Variants in ERC1 observed in about 807,000 individuals in gnomAD.
ERC1 encodes ELKS/RAB6-interacting/CAST family member 1, also known as RAB6 interacting protein 2.
In ERC1, 56 loss-of-function variants were observed where a neutral mutation model predicts 132.0. The observed-to-expected ratio is 0.42, with a 90% CI of 0.34 to 0.53. ERC1 has a LOEUF of 0.53. Ranked by LOEUF, ERC1 falls within the 20% of genes least tolerant of loss-of-function variation. The pLI is 0.03. For synonymous variants in ERC1, 478 were observed against 476.1 expected (o/e 1.00, Z -0.05); for missense variants, 1,202 against 1,349.9 (o/e 0.89, Z 1.72).
At chr12:1,480,202 C>A (rs143157521) in intron 18 of ERC1, among the ~76,000 whole-genome samples, 1 of 151,728 alleles carries the variant, frequency 6.6e-6, no homozygotes, top group Non-Finnish European at 1.5e-5. Context: ...TATGAGACTT[C>A]GTGCTTAAGT....
chr12:1,116,271 T>A, intron 7 of ERC1: 1 of 362,826 alleles, frequency 2.8e-6, no homozygotes, highest in South Asian at 8.5e-5. Flanking sequence ...TTTTGCCAAG[T>A]CTGTACTTCA....
At chr12:1,281,271 G>T (rs148430191) in intron 14 of ERC1, among the ~76,000 whole-genome samples, 1 of 151,816 alleles carries the variant, frequency 6.6e-6, no homozygotes, top group Non-Finnish European at 1.5e-5. Context: ...CCAAAACCTG[G>T]ACAAATTATA....
At chr12:1,270,320 G>C (rs1367479453) in intron 14 of ERC1, among the ~76,000 whole-genome samples, 2 of 151,992 alleles carry the variant, frequency 1.3e-5, no homozygotes, top group Non-Finnish European at 2.9e-5. Context: ...CGATTCTTGG[G>C]CCTCAGCCTC....
Position 1,141,759 on chromosome 12 carries a change from A to G in ERC1, c.1709A>G (p.Glu570Gly), listed in dbSNP as rs749081718. The change falls in exon 8 of 19, where the codon GAG becomes GGG. Residue 570 changes from glutamate (E) to glycine (G), a missense_variant. Coordinates refer to ENST00000360905, the MANE Select transcript of ERC1 (RefSeq NM_178040.4). ...CTCAAGGACATGTTGGATGTGAAGG[A>G]GCGGAAGGTTAATGTTCTTCAGAAG... is the stretch of plus-strand genomic sequence containing the variant. ...HDLKDMLDVK[E>G]RKVNVLQKKI... is the part of the protein sequence containing the mutation. The G allele has an allele frequency of 6.2e-7, 1 of 1,609,030 alleles. No individual in the cohort carries two copies. Among genetic ancestry groups the G allele is most frequent in the South Asian group, 1.1e-5 (1 of 89,816 alleles).
At chr12:1,202,269 T>C (rs537193929) in intron 12 of ERC1, among the ~76,000 whole-genome samples, 1 of 152,318 alleles carries the variant, frequency 6.6e-6, no homozygotes, top group South Asian at 2.1e-4. Flanking sequence ...GGAATCTGTG[T>C]TTAATGGCTA....
At chr12:1,040,281 A>C (rs1056318282) in intron 2 of ERC1, among the ~76,000 whole-genome samples, 1 of 149,614 alleles carries the variant, frequency 6.7e-6, no homozygotes, top group Non-Finnish European at 1.5e-5. Context: ...TACCATACAC[A>C]TTTCTAAAAA....
chr12:1,372,652 C>T lies in ERC1; in HGVS notation c.2925+675C>T, dbSNP rs562720588. Among the ~76,000 whole-genome samples the T allele has an allele frequency of 1.2e-4, 18 of 152,290 alleles. 1 individual carries two copies. The highest frequency in any genetic ancestry group is 4.3e-4 in the African/African-American group (18 of 41,560). ...AGATAAGGAGAGTGCTGGATGTTTA[C>T]ATCGGAGCCCTGCTTGAACGGCAGT... On this transcript the variant is annotated intron_variant, in intron 16 of 18. Coordinates refer to ENST00000360905, the MANE Select transcript of ERC1 (RefSeq NM_178040.4).
chr12:1,190,134 G>A (rs1955559751), intron 12 of ERC1, 82 bp downstream of exon 12: 5 of 1,216,822 alleles, frequency 4.1e-6, no homozygotes, highest in Non-Finnish European at 6.1e-6. Flanking sequence ...CTTTTTCAGT[G>A]TATCTAACTC....
At chr12:1,009,972 A>G (rs563873234) in intron 1 of ERC1, among the ~76,000 whole-genome samples, 1 of 152,036 alleles carries the variant, frequency 6.6e-6, no homozygotes, top group African/African-American at 2.4e-5. Flanking sequence ...TCCTTTTTTC[A>G]GTTATTTCAG....
rs182881696 is a variant in ERC1, at chr12:1,037,014, T to C, written c.669+8442T>C. Among the ~76,000 whole-genome samples the C allele has an allele frequency of 2.1e-3, 319 of 152,338 alleles. 3 individuals carry two copies. Among genetic ancestry groups the C allele is most frequent in the African/African-American group, 7.0e-3 (293 of 41,572 alleles). On this transcript the variant is annotated intron_variant, in intron 2 of 18. Coordinates refer to ENST00000360905, the MANE Select transcript of ERC1 (RefSeq NM_178040.4). The stretch of plus-strand genomic sequence containing the variant: ...GGCTTACAGAAATTTGAACTATGCA[T>C]TTATCAGGTCTTGATCATAGGTGAA...
chr12:1,357,169 A>G (rs895907735), intron 15 of ERC1, among the ~76,000 whole-genome samples: 1 of 152,174 alleles, frequency 6.6e-6, no homozygotes, highest in Non-Finnish European at 1.5e-5. Flanking sequence ...CCAAAATTAG[A>G]TGTTCTATGT....
At chr12:1,244,497 GGTTTGTTT>G (rs71055140) in intron 13 of ERC1, 121,588 of 441,276 alleles carry the variant, frequency 0.28, 17,489 homozygotes, top group African/African-American at 0.41. Context: ...TGTACTTAAT[GGTTTGTTT>G]GTTTGTTTGT....
At chr12:1,278,601 T>G (rs2078446904) in intron 14 of ERC1, among the ~76,000 whole-genome samples, 1 of 152,208 alleles carries the variant, frequency 6.6e-6, no homozygotes, top group Non-Finnish European at 1.5e-5. Flanking sequence ...ATTGATAGAT[T>G]AGAAAACAAC....
intron 2 of ERC1, among the ~76,000 whole-genome samples, chr12:1,078,500 A>G (rs1319740175): frequency 6.6e-6 from 1 of 151,568 alleles, no homozygotes; most frequent in African/African-American, 2.4e-5. Flanking sequence ...GTGTTTGAAG[A>G]CTACCAGAAT....
chr12:1,405,788 C>T (rs1235708589), intron 16 of ERC1, among the ~76,000 whole-genome samples: 4 of 152,140 alleles, frequency 2.6e-5, no homozygotes, highest in Admixed American at 6.5e-5. Context: ...CCGTGGCTCA[C>T]GCCTGTAATC....
At chr12:1,265,401 T>C (rs2077413538) in intron 14 of ERC1, among the ~76,000 whole-genome samples, 1 of 152,186 alleles carries the variant, frequency 6.6e-6, no homozygotes. Flanking sequence ...GCTTTAGGGG[T>C]ATGTTTTATT....
At chr12:1,464,646 G>T (rs1022210988) in intron 18 of ERC1, among the ~76,000 whole-genome samples, 2 of 146,284 alleles carry the variant, frequency 1.4e-5, no homozygotes, top group African/African-American at 5.0e-5. Context: ...TCACCCTCCC[G>T]AGTAGCTGGG....
At chr12:1,322,242 A>G (rs74057126) in intron 15 of ERC1, among the ~76,000 whole-genome samples, 2,765 of 145,506 alleles carry the variant, frequency 0.019, 88 homozygotes, top group African/African-American at 0.068. Context: ...TAAAATGAGT[A>G]TTACTAACTG....
intron 3 of ERC1, among the ~76,000 whole-genome samples, chr12:1,095,711 C>T (rs10734997): frequency 0.92 from 139,799 of 152,204 alleles, 64,465 homozygotes; most frequent in East Asian, 0.99. Flanking sequence ...TCTTCTCTCT[C>T]TATTGACAAT....
Sources: gnomAD v4.1 joint callset for allele counts (sites outside exome capture counted in the v4.1 genomes callset) on GRCh38, gnomAD v4.1.1 for gene constraint, MANE v1.5 for transcripts, NCBI Gene and HGNC (gene_info 2026-07-23, HGNC 2026-07-21) for gene names.